DPP6: variants seen among roughly 807,000 people sequenced by gnomAD.
The protein encoded by DPP6 is dipeptidyl peptidase like 6.
Under a neutral mutation model 122.6 loss-of-function variants are expected in DPP6, and 69 were observed. The observed-to-expected ratio is 0.56, with a 90% CI of 0.46 to 0.69. The LOEUF (loss-of-function observed/expected upper bound fraction) is 0.69. Among genes scored for constraint, DPP6 ranks in the 30% least tolerant of loss-of-function variants. The pLI is 0.00. For missense variants in DPP6, 928 were observed against 1,116.9 expected (o/e 0.83, Z 2.41); for synonymous variants, 418 against 433.1 (o/e 0.97, Z 0.43).
intron 1 of DPP6, among the ~76,000 whole-genome samples, chr7:154,298,721 C>T (rs78283780): frequency 0.043 from 6,524 of 152,278 alleles, 188 homozygotes; most frequent in African/African-American, 0.072. Context: ...ACCGTCCATA[C>T]CCTGCTGGGA....
chr7:154,400,250 G>C (rs898288487), intron 1 of DPP6, among the ~76,000 whole-genome samples: 2 of 152,210 alleles, frequency 1.3e-5, no homozygotes, highest in African/African-American at 4.8e-5. Context: ...AGAGAGGTAG[G>C]TTTGCTGGCT....
chr7:154,307,244 A>G (rs781187063), intron 1 of DPP6, among the ~76,000 whole-genome samples: 1 of 152,164 alleles, frequency 6.6e-6, no homozygotes, highest in Non-Finnish European at 1.5e-5. Flanking sequence ...TGGGTTTTGG[A>G]GGACCTATGA....
At chr7:154,434,343 T>TAA (rs1818687756) in intron 1 of DPP6, among the ~76,000 whole-genome samples, 1 of 152,188 alleles carries the variant, frequency 6.6e-6, no homozygotes, top group Non-Finnish European at 1.5e-5. Flanking sequence ...TGCAGAGTTA[T>TAA]AGTTTCCACA....
rs931807661 is a variant in DPP6, at chr7:154,624,742, G to T, written c.628-13079G>T. ...GAGCCTAGGAAACAGTGTCTCCCAG[G>T]AAGAAACCTGTTAATCTGCACCATG... On this transcript the variant is annotated intron_variant, in intron 5 of 25. Transcript: ENST00000377770. The surrounding 1 kb of genome is among the most constrained non-coding windows in gnomAD (Gnocchi z 4.7). Among the ~76,000 whole-genome samples, 1 of 152,130 alleles carries T rather than the reference G, an allele frequency of 6.6e-6. No homozygotes were observed. The highest frequency in any genetic ancestry group is 6.5e-5 in the Admixed American group (1 of 15,272).
At chr7:154,643,469 T>A (rs1190793886) in intron 6 of DPP6, among the ~76,000 whole-genome samples, 3 of 16,134 alleles carry the variant, frequency 1.9e-4, no homozygotes, top group Non-Finnish European at 5.8e-4. Context: ...AGTAATTTCT[T>A]TTTTTTTTTT....
At chr7:154,642,606 C>A (rs1464913284) in intron 6 of DPP6, among the ~76,000 whole-genome samples, 3 of 148,356 alleles carry the variant, frequency 2.0e-5, no homozygotes, top group African/African-American at 5.0e-5. Context: ...CAAAACAAAA[C>A]AAAAAAATTA....
At chr7:154,672,209 G>A (rs1306289353) in intron 7 of DPP6, among the ~76,000 whole-genome samples, 4 of 152,076 alleles carry the variant, frequency 2.6e-5, no homozygotes, top group Admixed American at 1.3e-4. Context: ...GCCTTCTGCC[G>A]TGATTGTAAG....
At chr7:154,401,136 G>A (rs929630370) in intron 1 of DPP6, among the ~76,000 whole-genome samples, 1 of 151,772 alleles carries the variant, frequency 6.6e-6, no homozygotes, top group Admixed American at 6.6e-5. Flanking sequence ...GGTGTAGGGT[G>A]CAGTGAGCCA....
intron 4 of DPP6, among the ~76,000 whole-genome samples, chr7:154,544,346 C>G (rs1035930330): frequency 1.6e-4 from 25 of 152,066 alleles, no homozygotes; most frequent in African/African-American, 5.8e-4. Flanking sequence ...CAGTTGTCCC[C>G]AAAGCACAAG....
At chr7:154,147,447 TTCC>T (rs1796152917) in intron 1 of DPP6, among the ~76,000 whole-genome samples, 1 of 7,610 alleles carries the variant, frequency 1.3e-4, no homozygotes, top group African/African-American at 6.9e-4. Context: ...CTTTATTCAT[TTCC>T]TTCCTTCCTT....
chr7:154,129,620 C>T (rs1808209515), intron 1 of DPP6, among the ~76,000 whole-genome samples: 1 of 152,210 alleles, frequency 6.6e-6, no homozygotes, highest in Non-Finnish European at 1.5e-5. Context: ...AAATTAGCGG[C>T]CGGGCACAGT....
chr7:154,748,090 T>C (rs73498054), intron 8 of DPP6, among the ~76,000 whole-genome samples: 1,855 of 152,294 alleles, frequency 0.012, 37 homozygotes, highest in African/African-American at 0.042. Flanking sequence ...ACTCAACACC[T>C]GAACTCCTCC....
At position 154,509,831 on chromosome 7, in the gene DPP6, C is replaced by G. The variant is rs141146415; in HGVS notation, c.458-30701C>G. 1.1e-3 allele frequency among the ~76,000 whole-genome samples: 169 copies of G among 152,136 alleles called. 1 individual carries two copies. Among genetic ancestry groups the G allele is most frequent in the African/African-American group, 4.0e-3 (165 of 41,530 alleles). ...AAGTTTGAAAACTGTAAGACAGTCA[C>G]AAATGACTACAATATACATGATTCC... On this transcript the variant is annotated intron_variant, in intron 3 of 25. Transcript: ENST00000377770.
intron 1 of DPP6, among the ~76,000 whole-genome samples, chr7:154,316,038 C>G (rs1016052742): frequency 6.6e-6 from 1 of 152,336 alleles, no homozygotes; most frequent in Non-Finnish European, 1.5e-5. Flanking sequence ...CTCTCTAAAC[C>G]TCCTCTACTG....
At chr7:154,880,370 A>G (rs1252859518) in intron 20 of DPP6, among the ~76,000 whole-genome samples, 2 of 152,258 alleles carry the variant, frequency 1.3e-5, no homozygotes, top group African/African-American at 4.8e-5. Flanking sequence ...TCTGTGGCCA[A>G]ACAGGTACAA....
chr7:153,856,163 C>T, the DPP6 span, among the ~76,000 whole-genome samples: 1 of 152,274 alleles, frequency 6.6e-6, no homozygotes, highest in African/African-American at 2.4e-5. Context: ...CCTGTTCCTG[C>T]CACTCCAGTG....
At chr7:154,680,394 A>C (rs1839205193) in intron 7 of DPP6, among the ~76,000 whole-genome samples, 1 of 152,198 alleles carries the variant, frequency 6.6e-6, no homozygotes, top group South Asian at 2.1e-4. Flanking sequence ...GAATTTCTAA[A>C]AGCTGGAAAT....
At chr7:154,305,177 C>A in intron 1 of DPP6, 1 of 967,870 alleles carries the variant, frequency 1.0e-6, no homozygotes, top group South Asian at 4.4e-5. Context: ...CCCCTTCCTG[C>A]ACCCAGCCGC....
intron 1 of DPP6, among the ~76,000 whole-genome samples, chr7:154,111,449 G>A (rs1806567150): frequency 6.6e-6 from 1 of 152,216 alleles, no homozygotes; most frequent in Non-Finnish European, 1.5e-5. Context: ...ATGGCAGATA[G>A]TAAACAGTCA....
Sources: gnomAD v4.1 joint callset for allele counts (sites outside exome capture counted in the v4.1 genomes callset) on GRCh38, gnomAD v4.1.1 for gene constraint, Gnocchi (gnomAD v3.1) non-coding constraint, MANE v1.5 for transcripts, NCBI Gene and HGNC (gene_info 2026-07-23, HGNC 2026-07-21) for gene names.